The following GTF2IRD1 variants were observed in gnomAD, a reference collection of about 807,000 sequenced individuals.
GTF2IRD1 encodes the protein GTF2I repeat domain containing 1.
In GTF2IRD1, 26 loss-of-function variants were observed where a neutral mutation model predicts 113.2. That is an observed-to-expected ratio of 0.23 (90% CI 0.17 to 0.32). GTF2IRD1 has a LOEUF of 0.32. Among genes scored for constraint, GTF2IRD1 ranks in the 10% least tolerant of loss-of-function variants. The pLI is 1.00. For missense variants in GTF2IRD1, 864 were observed against 1,280.8 expected (o/e 0.67, Z 4.97); for synonymous variants, 484 against 529.1 (o/e 0.91, Z 1.17).
intron 1 of GTF2IRD1, among the ~76,000 whole-genome samples, chr7:74,502,461 A>T (rs1554339779): frequency 6.6e-6 from 1 of 152,192 alleles, no homozygotes; most frequent in Non-Finnish European, 1.5e-5. Flanking sequence ...CTAGCCTCCT[A>T]ACTGGCCCTG....
At chr7:74,476,590 C>T (rs1173111270) in intron 1 of GTF2IRD1, among the ~76,000 whole-genome samples, 1 of 152,010 alleles carries the variant, frequency 6.6e-6, no homozygotes, top group Non-Finnish European at 1.5e-5. Flanking sequence ...TCTCAAACTC[C>T]TGACCTTAAG....
In GTF2IRD1 at chr7:74,559,733, G is replaced by A. The variant is rs1799836430; in HGVS notation, c.2320+78G>A. Reference sequence around the variant, plus strand: ...GCTGGGGACTGGAGCTAAGCCTGCTGTGGGGCACAGGTTCTGGGGTCTGGG... The same window carrying A: ...GCTGGGGACTGGAGCTAAGCCTGCTATGGGGCACAGGTTCTGGGGTCTGGG... On this transcript the variant is annotated intron_variant, in intron 22 of 26. Transcript: ENST00000424337. The A allele has an allele frequency of 7.3e-6, 9 of 1,226,970 alleles. 1 individual carries two copies. Among genetic ancestry groups the A allele is most frequent in the Middle Eastern group, 2.8e-4 (1 of 3,628 alleles). The allele number at this position is 1,226,970 out of a possible 1,614,324, so 76.0% of individuals were successfully genotyped here.
chr7:74,501,802 C>A (rs1554339600), intron 1 of GTF2IRD1, among the ~76,000 whole-genome samples: 1 of 152,152 alleles, frequency 6.6e-6, no homozygotes, highest in Admixed American at 6.5e-5. Context: ...CAGGCACCTA[C>A]CACAGTGCCT....
chr7:74,483,149 G>A (rs1410715074), intron 1 of GTF2IRD1, among the ~76,000 whole-genome samples: 1 of 152,256 alleles, frequency 6.6e-6, no homozygotes, highest in Admixed American at 6.5e-5. Context: ...CATGCAGGTG[G>A]TTAGATGAGG....
Position 74,512,213 on chromosome 7 carries a change from G to A in GTF2IRD1, c.124-617G>A, listed in dbSNP as rs782649062. ...CTTATAATACAAAAATTAGCAAGGC[G>A]TGGTGGCGGGCGCCTGTAGTCCCAG... is the stretch of plus-strand genomic sequence containing the variant. On this transcript the variant is annotated intron_variant, in intron 2 of 26. Coordinates refer to ENST00000424337, the MANE Select transcript of GTF2IRD1 (RefSeq NM_005685.4). This position sits in a 1 kb window ranked among gnomAD's most constrained non-coding sequence, Gnocchi z 4.4. Among the ~76,000 whole-genome samples, 5 of 152,262 alleles carry A rather than the reference G, an allele frequency of 3.3e-5. No homozygotes were observed. The highest frequency in any genetic ancestry group is 6.8e-3 in the Middle Eastern group (2 of 294).
rs1449292197 is a variant in GTF2IRD1 at position 74,593,177 on chromosome 7, C to T, written c.2592-1837C>T. Among the ~76,000 whole-genome samples the T allele has an allele frequency of 4.6e-5, 7 of 150,868 alleles. No homozygotes were observed. In the East Asian group the frequency reaches 1.2e-3, roughly 25 times the overall value. On this transcript the variant is annotated intron_variant, in intron 24 of 26. Transcript: ENST00000424337. The stretch of plus-strand genomic sequence containing the variant: ...TGGCCTACATGTTTTTTTAAAATTA[C>T]GATAATATTTGCGTGTGTCAAAAAA...
intron 7 of GTF2IRD1, among the ~76,000 whole-genome samples, chr7:74,522,259 G>C (rs1584592494): frequency 6.7e-6 from 1 of 148,512 alleles, no homozygotes; most frequent in Non-Finnish European, 1.5e-5. Context: ...AAAAAAAAAA[G>C]TGGACAGATT....
intron 22 of GTF2IRD1, among the ~76,000 whole-genome samples, chr7:74,581,485 A>G (rs587599779): frequency 6.6e-6 from 1 of 152,328 alleles, no homozygotes; most frequent in South Asian, 2.1e-4. Flanking sequence ...CTGCCCCTGC[A>G]GTGTCCTCAG....
At chr7:74,557,425 C>T (rs1156828781) in intron 19 of GTF2IRD1, among the ~76,000 whole-genome samples, 2 of 152,184 alleles carry the variant, frequency 1.3e-5, no homozygotes, top group African/African-American at 4.8e-5. Context: ...ACTTAATTTC[C>T]AACTCATCAC....
At position 74,529,790 on chromosome 7, in the gene GTF2IRD1, G is replaced by T; in HGVS notation, c.1147G>T (p.Asp383Tyr). The stretch of plus-strand genomic sequence containing the variant: ...CGTGCCCTACCGGAAGATTGCCTGT[G>T]ACCCGGAGGCTGTGGAGATCGTGGG... ...VPVPYRKIAC[D>Y]PEAVEIVGIP... Residue 383 changes from aspartate (D) to tyrosine (Y), a missense_variant, in exon 9 of 27, where the codon GAC becomes TAC. Coordinates refer to ENST00000424337, the MANE Select transcript of GTF2IRD1 (RefSeq NM_005685.4). The T allele has an allele frequency of 6.2e-7, 1 of 1,614,104 alleles. No individual in the cohort carries two copies. The highest frequency in any genetic ancestry group is 8.5e-7 in the Non-Finnish European group (1 of 1,180,000).
intron 1 of GTF2IRD1, among the ~76,000 whole-genome samples, chr7:74,477,786 C>T (rs535543993): frequency 2.6e-3 from 397 of 152,266 alleles, no homozygotes; most frequent in African/African-American, 3.8e-3. Flanking sequence ...CTGGGGGCCC[C>T]GTGAGCCAGC....
chr7:74,602,546 A>C lies in GTF2IRD1; in HGVS notation c.*113A>C. On this transcript the variant is annotated 3_prime_UTR_variant, in exon 27 of 27. Transcript: ENST00000424337. ...CCTTTTAGTTTTTCCAATGATTTTT[A>C]CACTATATTCCTGCCACCAAGGCCT... The C allele has an allele frequency of 2.6e-6, 2 of 766,390 alleles. No individual in the cohort carries two copies. The highest frequency in any genetic ancestry group is 4.1e-6 in the Non-Finnish European group (2 of 482,162). The allele number at this position is 766,390 out of a possible 1,614,324, so 47.5% of individuals were successfully genotyped here.
chr7:74,509,356 CA>C (rs1274302309), intron 2 of GTF2IRD1, among the ~76,000 whole-genome samples: 1 of 146,752 alleles, frequency 6.8e-6, no homozygotes. Context: ...GACTCCGTCT[CA>C]AAAAAAAATA....
intron 9 of GTF2IRD1, among the ~76,000 whole-genome samples, chr7:74,530,949 A>G (rs1183352357): frequency 6.6e-6 from 1 of 151,968 alleles, no homozygotes; most frequent in East Asian, 1.9e-4. Context: ...AGGTACCTGT[A>G]GTCCCAGCTA....
intron 8 of GTF2IRD1, 102 bp downstream of exon 8, chr7:74,524,256 A>C: frequency 2.1e-6 from 1 of 482,446 alleles, no homozygotes; most frequent in African/African-American, 2.0e-5. Flanking sequence ...CGGGAGCCAT[A>C]TGCTGGCTCC....
At chr7:74,483,121 G>A (rs545131265) in intron 1 of GTF2IRD1, among the ~76,000 whole-genome samples, 41 of 152,180 alleles carry the variant, frequency 2.7e-4, no homozygotes, top group Admixed American at 1.2e-3. Flanking sequence ...CCTCTGGGCC[G>A]TGGTTTCCCT....
At chr7:74,543,295 T>A (rs1260541550) in intron 14 of GTF2IRD1, among the ~76,000 whole-genome samples, 46 of 150,246 alleles carry the variant, frequency 3.1e-4, no homozygotes, top group African/African-American at 1.1e-3. Flanking sequence ...AGAGCGAAAC[T>A]CTGTCTAGAA....
intron 16 of GTF2IRD1, among the ~76,000 whole-genome samples, chr7:74,546,140 G>C (rs1554353193): frequency 1.3e-5 from 2 of 151,130 alleles, no homozygotes; most frequent in Admixed American, 6.6e-5. Context: ...GGGTCCTCAA[G>C]AAGACTCATA....
At chr7:74,591,257 A>G (rs1231038998) in intron 24 of GTF2IRD1, among the ~76,000 whole-genome samples, 2 of 151,600 alleles carry the variant, frequency 1.3e-5, no homozygotes, top group Non-Finnish European at 2.9e-5. Flanking sequence ...ATTAAATTTG[A>G]CTTTTTCTGA....
Sources: allele counts gnomAD v4.1 joint callset (sites outside exome capture counted in the v4.1 genomes callset), GRCh38; gene constraint gnomAD v4.1.1; non-coding constraint Gnocchi (gnomAD v3.1); transcripts MANE v1.5; gene names NCBI Gene and HGNC (gene_info 2026-07-23, HGNC 2026-07-21).